The following TMEM178B variants were observed in gnomAD, a reference collection of about 807,000 sequenced individuals.
TMEM178B encodes transmembrane protein 178B.
Under a neutral mutation model 31.0 loss-of-function variants are expected in TMEM178B, and 5 were observed. That is an observed-to-expected ratio of 0.16 (90% CI 0.08 to 0.34). TMEM178B has a LOEUF of 0.34. TMEM178B is among the 10% of genes least tolerant of loss of function. TMEM178B has a pLI of 1.00. For synonymous variants in TMEM178B, 164 were observed against 164.0 expected (o/e 1.00, Z 0.00); for missense variants, 275 against 400.3 (o/e 0.69, Z 2.67).
At chr7:141,455,103 C>G (rs1231229702) in intron 3 of TMEM178B, among the ~76,000 whole-genome samples, 1 of 152,172 alleles carries the variant, frequency 6.6e-6, no homozygotes, top group African/African-American at 2.4e-5. Context: ...TGAGAAGCTA[C>G]AGGGATTCTC....
At chr7:141,086,171 G>T (rs1023819168) in intron 1 of TMEM178B, among the ~76,000 whole-genome samples, 3 of 151,468 alleles carry the variant, frequency 2.0e-5, no homozygotes, top group African/African-American at 7.3e-5. Context: ...GAGTAGCTGG[G>T]ACTACAGGCG....
At chr7:141,273,008 G>C (rs1402714803) in intron 2 of TMEM178B, among the ~76,000 whole-genome samples, 1 of 152,172 alleles carries the variant, frequency 6.6e-6, no homozygotes, top group Non-Finnish European at 1.5e-5. Context: ...TGTAACATAT[G>C]CGCACATATA....
In TMEM178B at chr7:141,478,953, G is replaced by A. The variant is rs144288579; in HGVS notation, c.*8167G>A. 13 of 152,298 alleles carry A rather than the reference G, an allele frequency of 8.5e-5. No individual in the cohort carries two copies. Among genetic ancestry groups the A allele is most frequent in the South Asian group, 2.1e-4 (1 of 4,806 alleles). The allele number at this position is 152,298 out of a possible 1,614,324, so 9.4% of individuals were successfully genotyped here. A position where few individuals can be genotyped will look rare whatever the true frequency, so the allele number is the denominator to read the frequency against. On this transcript the variant is annotated 3_prime_UTR_variant, in exon 4 of 4. Coordinates refer to ENST00000565468, the MANE Select transcript of TMEM178B (RefSeq NM_001195278.2). Reference sequence around the variant, plus strand: ...AGAGTAGAAAGCACAGAGCTATGTCGAGGCTGCTGTCTCAGCCTCTGGAAG... The same window carrying A: ...AGAGTAGAAAGCACAGAGCTATGTCAAGGCTGCTGTCTCAGCCTCTGGAAG...
intron 2 of TMEM178B, among the ~76,000 whole-genome samples, chr7:141,315,934 A>G (rs1798997267): frequency 6.6e-6 from 1 of 152,206 alleles, no homozygotes; most frequent in East Asian, 1.9e-4. Context: ...TACTCATCAA[A>G]AAATAGTGCT....
chr7:141,089,573 C>T (rs564587804), intron 1 of TMEM178B, among the ~76,000 whole-genome samples: 8 of 152,098 alleles, frequency 5.3e-5, no homozygotes, highest in East Asian at 1.9e-4. Flanking sequence ...ATGTTTATTG[C>T]GGCACTATTC....
At chr7:141,300,677 G>T (rs1224007080) in intron 2 of TMEM178B, among the ~76,000 whole-genome samples, 1 of 152,008 alleles carries the variant, frequency 6.6e-6, no homozygotes, top group Non-Finnish European at 1.5e-5. Context: ...TGGAGAGTGG[G>T]GGAAAGCTTT....
intron 1 of TMEM178B, among the ~76,000 whole-genome samples, chr7:141,104,959 A>T (rs1290557620): frequency 4.6e-5 from 7 of 152,202 alleles, no homozygotes; most frequent in African/African-American, 1.7e-4. Flanking sequence ...TTTGGTCATA[A>T]CATGGCCTGA....
At chr7:141,359,583 T>C (rs1429820934) in intron 2 of TMEM178B, among the ~76,000 whole-genome samples, 3 of 152,214 alleles carry the variant, frequency 2.0e-5, no homozygotes. Context: ...CATCCTCTTA[T>C]TACAGGCTCG....
At chr7:141,165,452 A>C (rs987399110) in intron 1 of TMEM178B, among the ~76,000 whole-genome samples, 4 of 152,224 alleles carry the variant, frequency 2.6e-5, no homozygotes, top group Non-Finnish European at 5.9e-5. Flanking sequence ...ATCATATCAA[A>C]GTCCATGATA....
intron 2 of TMEM178B, among the ~76,000 whole-genome samples, chr7:141,296,102 C>G (rs923262908): frequency 3.3e-5 from 5 of 151,596 alleles, no homozygotes; most frequent in Admixed American, 3.3e-4. Flanking sequence ...GGGTCTCACT[C>G]TGTTGCCCAG....
intron 1 of TMEM178B, among the ~76,000 whole-genome samples, chr7:141,083,935 G>A (rs1367322767): frequency 5.9e-5 from 9 of 151,602 alleles, no homozygotes; most frequent in Non-Finnish European, 1.2e-4. Context: ...AGGCTATGTA[G>A]CTGGGATTAC....
chr7:141,236,629 A>G (rs1353793945), intron 2 of TMEM178B, among the ~76,000 whole-genome samples: 1 of 152,202 alleles, frequency 6.6e-6, no homozygotes, highest in Non-Finnish European at 1.5e-5. Context: ...GAGGAGTGGG[A>G]GAAAATAACC....
chr7:141,220,045 C>G, intron 2 of TMEM178B, among the ~76,000 whole-genome samples: 1 of 152,120 alleles, frequency 6.6e-6, no homozygotes, highest in East Asian at 1.9e-4. Context: ...TTGGGCCAGG[C>G]ATGGTGTCTC....
At chr7:141,346,221 GAACA>G (rs1418975873) in intron 2 of TMEM178B, among the ~76,000 whole-genome samples, 1 of 150,188 alleles carries the variant, frequency 6.7e-6, no homozygotes. Context: ...TCCATCTCAA[GAACA>G]AACAAACAAA....
At chr7:141,109,738 A>G (rs1795204751) in intron 1 of TMEM178B, among the ~76,000 whole-genome samples, 1 of 152,170 alleles carries the variant, frequency 6.6e-6, no homozygotes, top group Non-Finnish European at 1.5e-5. Context: ...CTGTGGCAGG[A>G]GATGGCTGTT....
chr7:141,490,877 A>C, the TMEM178B span, among the ~76,000 whole-genome samples: 1 of 152,220 alleles, frequency 6.6e-6, no homozygotes, highest in Admixed American at 6.5e-5. Flanking sequence ...CTCTATGCAG[A>C]AAGCATGGCT....
At chr7:141,104,748 C>T (rs556446449) in intron 1 of TMEM178B, among the ~76,000 whole-genome samples, 4 of 152,206 alleles carry the variant, frequency 2.6e-5, no homozygotes, top group African/African-American at 9.7e-5. Context: ...TAGATGCTGT[C>T]TTCCCCCTGT....
At chr7:141,443,086 T>C (rs1801691326) in intron 3 of TMEM178B, among the ~76,000 whole-genome samples, 1 of 152,220 alleles carries the variant, frequency 6.6e-6, no homozygotes, top group Non-Finnish European at 1.5e-5. Flanking sequence ...ACTTCTTCCA[T>C]CTCTGACCTC....
intron 1 of TMEM178B, among the ~76,000 whole-genome samples, chr7:141,155,684 T>C (rs1796057595): frequency 6.6e-6 from 1 of 152,016 alleles, no homozygotes; most frequent in Non-Finnish European, 1.5e-5. Flanking sequence ...TTCAAGGAGG[T>C]CTCAGTTTCT....
Sources: allele counts gnomAD v4.1 joint callset (sites outside exome capture counted in the v4.1 genomes callset), GRCh38; gene constraint gnomAD v4.1.1; transcripts MANE v1.5; gene names NCBI Gene and HGNC (gene_info 2026-07-23, HGNC 2026-07-21).